NF1: variants seen among roughly 807,000 people sequenced by gnomAD.
NF1 encodes neurofibromin.
Under a neutral mutation model 325.7 loss-of-function variants are expected in NF1, and 122 were observed. The observed-to-expected ratio is 0.37, with a 90% confidence interval of 0.32 to 0.44. The LOEUF (loss-of-function observed/expected upper bound fraction) is 0.44, where lower values mean the gene tolerates loss of function less well. Ranked by LOEUF, NF1 falls within the 20% of genes least tolerant of loss-of-function variation. NF1 has a pLI of 1.00. For synonymous variants in NF1, 1,091 were observed against 1,186.0 expected (o/e 0.92, Z 1.65); for missense variants, 2,140 against 3,415.4 (o/e 0.63, Z 9.31).
intron 36 of NF1, among the ~76,000 whole-genome samples, chr17:31,320,027 C>T (rs1464906680): frequency 6.6e-6 from 1 of 151,948 alleles, no homozygotes; most frequent in East Asian, 1.9e-4. Context: ...AAAAAGGAGA[C>T]AAGTTATATT....
chr17:31,164,683 G>GT (rs1176351537), intron 4 of NF1, among the ~76,000 whole-genome samples: 1 of 152,024 alleles, frequency 6.6e-6, no homozygotes, highest in Non-Finnish European at 1.5e-5. Context: ...TTGTGTTACG[G>GT]TTTTTTGGGG....
chr17:31,261,389 A>G (rs1321227728), intron 34 of NF1, among the ~76,000 whole-genome samples: 2 of 152,134 alleles, frequency 1.3e-5, no homozygotes, highest in African/African-American at 4.8e-5. Flanking sequence ...CCAAATTCCT[A>G]TGTATGAAGA....
chr17:31,129,620 G>A (rs1242215242), intron 1 of NF1, among the ~76,000 whole-genome samples: 2 of 151,870 alleles, frequency 1.3e-5, no homozygotes, highest in African/African-American at 2.4e-5. Flanking sequence ...TCGTAGAGAC[G>A]GGGTTTCACC....
At chr17:31,149,509 A>G (rs1916791627) in intron 1 of NF1, among the ~76,000 whole-genome samples, 1 of 152,222 alleles carries the variant, frequency 6.6e-6, no homozygotes, top group Non-Finnish European at 1.5e-5. Flanking sequence ...CATGTTGGCC[A>G]GGCTGGTCTC....
chr17:31,119,263 C>T (rs1246953463), intron 1 of NF1, among the ~76,000 whole-genome samples: 1 of 151,644 alleles, frequency 6.6e-6, no homozygotes, highest in East Asian at 1.9e-4. Flanking sequence ...GTTTCTCCAC[C>T]TCCTCTCCAG....
At chr17:31,358,252 C>A (rs2070319103) in intron 54 of NF1, 3 of 557,472 alleles carry the variant, frequency 5.4e-6, no homozygotes, top group Non-Finnish European at 9.6e-6. Context: ...TTTGTTTTCA[C>A]AATTTCTTCC....
At position 31,226,633 on chromosome 17, in the gene NF1, A is replaced by G; in HGVS notation, c.2200A>G (p.Asn734Asp). 1 of 1,613,882 alleles carries G rather than the reference A, an allele frequency of 6.2e-7. No homozygotes were observed. Among genetic ancestry groups the G allele is most frequent in the Non-Finnish European group, 8.5e-7 (1 of 1,179,784 alleles). The change falls in exon 18 of 58, where the codon AAC (asparagine) becomes GAC (aspartate). Residue 734 changes from asparagine (N) to aspartate (D), a missense_variant. By Grantham distance (23) the Asn-to-Asp change is conservative (BLOSUM62 1). Coordinates refer to ENST00000358273, the MANE Select transcript of NF1 (RefSeq NM_001042492.3). Reference protein sequence around the residue: ...DEVSVHNLLPNYNTFMEFASV... With the variant: ...DEVSVHNLLPDYNTFMEFASV... Reference sequence around the variant, plus strand: ...AGTGTCAGTGCATAACCTCTTGCCCAACTATAACACATTCATGGAGTTTGC... The same window carrying G: ...AGTGTCAGTGCATAACCTCTTGCCCGACTATAACACATTCATGGAGTTTGC...
intron 8 of NF1, among the ~76,000 whole-genome samples, chr17:31,184,919 T>G (rs1164258182): frequency 6.6e-6 from 1 of 152,158 alleles, no homozygotes; most frequent in African/African-American, 2.4e-5. Flanking sequence ...TGGAAAAGAA[T>G]GGGACCCTGC....
intron 2 of NF1, among the ~76,000 whole-genome samples, chr17:31,156,562 C>G (rs1212293190): frequency 6.6e-6 from 1 of 152,160 alleles, no homozygotes; most frequent in Non-Finnish European, 1.5e-5. Flanking sequence ...AATATGATCT[C>G]ATAGTCCTAA....
chr17:31,232,024 A>G (rs1349946855), intron 24 of NF1, 49 bp from the exon 25 acceptor site: 13 of 1,159,704 alleles, frequency 1.1e-5, no homozygotes, highest in African/African-American at 1.6e-5. Context: ...AAAGAACTTG[A>G]AAGATTCATG....
chr17:31,321,314 A>T (rs1304830324), intron 36 of NF1, among the ~76,000 whole-genome samples: 1 of 152,104 alleles, frequency 6.6e-6, no homozygotes, highest in East Asian at 1.9e-4. Context: ...GCGATGGCAA[A>T]TTTTTTCATT....
chr17:31,281,683 C>G (rs2068121077), intron 36 of NF1, among the ~76,000 whole-genome samples: 1 of 151,974 alleles, frequency 6.6e-6, no homozygotes, highest in Non-Finnish European at 1.5e-5. Flanking sequence ...CATTTAATAC[C>G]CATCTTGATA....
rs1366238012 is a variant in NF1 at position 31,336,583 on chromosome 17, C to G, written c.6148-52C>G. The G allele has an allele frequency of 1.3e-6, 2 of 1,561,052 alleles. No individual in the cohort carries two copies. Among genetic ancestry groups the G allele is most frequent in the Non-Finnish European group, 1.7e-6 (2 of 1,155,980 alleles). ...TAAACTGAACTTTTTTGTGCTAAAACTTTGAGTCCCATGTTTTTTTTTTTA... is the reference window on the plus strand; with the variant it reads ...TAAACTGAACTTTTTTGTGCTAAAAGTTTGAGTCCCATGTTTTTTTTTTTA... On this transcript the variant is annotated intron_variant, in intron 41 of 57. Coordinates refer to ENST00000358273, the MANE Select transcript of NF1 (RefSeq NM_001042492.3). The surrounding 1 kb of genome is among the most constrained non-coding windows in gnomAD (Gnocchi z 5.5).
intron 1 of NF1, among the ~76,000 whole-genome samples, chr17:31,107,575 C>A (rs192106661): frequency 1.4e-3 from 215 of 151,786 alleles, no homozygotes; most frequent in African/African-American, 5.0e-3. Flanking sequence ...GAGATTCTGT[C>A]TCTGAAAAAA....
At chr17:31,344,744 T>C (rs1161052430) in intron 48 of NF1, among the ~76,000 whole-genome samples, 1 of 152,256 alleles carries the variant, frequency 6.6e-6, no homozygotes, top group Admixed American at 6.5e-5. Flanking sequence ...TAATTGTAAC[T>C]GGGCTAATAA....
intron 57 of NF1, among the ~76,000 whole-genome samples, chr17:31,368,907 A>G (rs1302230634): frequency 6.6e-6 from 1 of 152,226 alleles, no homozygotes; most frequent in Non-Finnish European, 1.5e-5. Context: ...GAGTTTTCTA[A>G]TAAGTTTGCC....
At chr17:31,214,683 G>A (rs2143962177) in intron 13 of NF1, 98 bp downstream of exon 13, 1 of 1,157,942 alleles carries the variant, frequency 8.6e-7, no homozygotes. Context: ...TAGCTCAAGA[G>A]CACTTACTGA....
At position 31,286,875 on chromosome 17, in the gene NF1, C is replaced by T. The variant is rs17884277; in HGVS notation, c.4835+21536C>T. Among the ~76,000 whole-genome samples, 1,065 of 152,256 alleles carry T rather than the reference C, an allele frequency of 7.0e-3. 11 individuals are homozygous for T. The highest frequency in any genetic ancestry group is 0.024 in the Middle Eastern group (7 of 294). On this transcript the variant is annotated intron_variant, in intron 36 of 57. Coordinates refer to ENST00000358273, the MANE Select transcript of NF1 (RefSeq NM_001042492.3). ...CTTTCTCAATGGAAAGCCATTAAGTCTTAGTTAATTTTCTGTTGAGGCAAG... is the reference window on the plus strand; with the variant it reads ...CTTTCTCAATGGAAAGCCATTAAGTTTTAGTTAATTTTCTGTTGAGGCAAG...
At chr17:31,357,243 G>A (rs1005364263) in intron 53 of NF1, 26 bp from the exon 54 acceptor site, 3 of 1,600,862 alleles carry the variant, frequency 1.9e-6, no homozygotes, top group Admixed American at 1.7e-5. Context: ...AAAATGTTGT[G>A]TGTTTACTTT....
Sources: gnomAD v4.1 joint callset for allele counts (sites outside exome capture counted in the v4.1 genomes callset) on GRCh38, gnomAD v4.1.1 for gene constraint, Gnocchi (gnomAD v3.1) non-coding constraint, MANE v1.5 for transcripts, NCBI Gene and HGNC (gene_info 2026-07-23, HGNC 2026-07-21) for gene names.